GEMIN4: variants seen among roughly 807,000 people sequenced by gnomAD.
GEMIN4 encodes gem-associated protein 4.
GEMIN4 carries 59 observed loss-of-function variants against 76.8 expected under a neutral mutation model. The observed-to-expected ratio is 0.77, with a 90% CI of 0.62 to 0.95. The LOEUF (loss-of-function observed/expected upper bound fraction) is 0.95. GEMIN4 is among the 40% of genes least tolerant of loss of function. The pLI, the probability that GEMIN4 is intolerant of heterozygous loss-of-function variation, is 0.00. For missense variants in GEMIN4, 1,311 were observed against 1,318.9 expected, an observed-to-expected ratio of 0.99 and a Z score of 0.09; for synonymous variants, 562 against 559.7, an observed-to-expected ratio of 1.00 and a Z score of -0.06.
intron 1 of GEMIN4, chr17:750,088 GC>G (rs1376123512): frequency 1.5e-6 from 1 of 680,148 alleles, no homozygotes; most frequent in Admixed American, 6.3e-5. Context: ...AGGTTCAGTG[GC>G]TAGCACTTGT....
At position 748,033 on chromosome 17, in the gene GEMIN4, C is replaced by T; in HGVS notation, c.11-1G>A. On this transcript the variant is annotated splice_acceptor_variant, in intron 1 of 1. Transcript: ENST00000319004. LOFTEE classifies it high-confidence loss of function. ...ATTTCTTCACAGATGTTCAAGGGTCCTGCACACAGACAAGCCAAATAAGAC... is the reference window on the plus strand; with the variant it reads ...ATTTCTTCACAGATGTTCAAGGGTCTTGCACACAGACAAGCCAAATAAGAC... The T allele has an allele frequency of 6.3e-7, 1 of 1,594,704 alleles. No homozygotes were observed. The highest frequency in any genetic ancestry group is 8.5e-7 in the Non-Finnish European group (1 of 1,170,714).
chr17:748,036 C>A lies in GEMIN4; in HGVS notation c.11-4G>T. 6.3e-7 allele frequency: 1 copy of A among 1,590,924 alleles called. No individual in the cohort carries two copies. The highest frequency in any genetic ancestry group is 1.8e-5 in the Admixed American group (1 of 56,554). On this transcript the variant is annotated splice_polypyrimidine_tract_variant and splice_region_variant and intron_variant, in intron 1 of 1. Coordinates refer to ENST00000319004, the MANE Select transcript of GEMIN4 (RefSeq NM_015721.3). ...TCTTCACAGATGTTCAAGGGTCCTG[C>A]ACACAGACAAGCCAAATAAGACAGT...
upstream of GEMIN4, chr17:752,279 G>GGCCCC (rs1904775521): frequency 2.4e-6 from 3 of 1,225,052 alleles, no homozygotes; most frequent in South Asian, 8.4e-5. Context: ...ACCTCCGCCC[G>GGCCCC]GCCCCGCCCA....
Position 746,642 on chromosome 17 carries a change from A to G in GEMIN4, c.1401T>C (p.Ala467=), listed in dbSNP as rs749922691. ...LLETVIDVST[A]DRAIPESQIR... ...TCTGAGACTCAGGGATGGCTCTGTC[A>G]GCTGTGCTGACGTCTATCACTGTTT... is the stretch of plus-strand genomic sequence containing the variant. The change falls in exon 2 of 2, where the codon GCT becomes GCC. Residue 467 remains alanine (A), a synonymous_variant. Transcript: ENST00000319004. The surrounding 1 kb of genome is among the most constrained non-coding windows in gnomAD (Gnocchi z 4.3). 9.3e-6 allele frequency: 15 copies of G among 1,613,458 alleles called. No individual in the cohort carries two copies. The highest frequency in any genetic ancestry group is 6.7e-5 in the Admixed American group (4 of 60,002).
chr17:751,897 C>T (rs1904719404), intron 1 of GEMIN4: 1 of 381,400 alleles, frequency 2.6e-6, no homozygotes, highest in Non-Finnish European at 4.6e-6. Flanking sequence ...TTCACGTCTG[C>T]TCCGTGTTTT....
chr17:752,376 T>A (rs537987625), upstream of GEMIN4: 2 of 975,264 alleles, frequency 2.1e-6, no homozygotes, highest in Non-Finnish European at 2.6e-6. Context: ...CCACCAGCCC[T>A]CAGGTACCCG....
chr17:745,743 T>C lies in GEMIN4; in HGVS notation c.2300A>G (p.Asp767Gly). 6.2e-7 allele frequency: 1 copy of C among 1,609,236 alleles called. No individual in the cohort carries two copies. The highest frequency in any genetic ancestry group is 8.5e-7 in the Non-Finnish European group (1 of 1,177,924). Residue 767 changes from aspartate to glycine, a missense_variant, in exon 2 of 2, where the codon GAC (aspartate) becomes GGC (glycine). Asp to Gly is a moderately conservative substitution (Grantham distance 94). Coordinates refer to ENST00000319004, the MANE Select transcript of GEMIN4 (RefSeq NM_015721.3). This position sits in a 1 kb window ranked among gnomAD's most constrained non-coding sequence, Gnocchi z 4.6. ...CTTCAGCCTCAGGCCCACAGTCCAGTCTAGCTGTTCTAACTTGCGGTGGAG... is the reference window on the plus strand; with the variant it reads ...CTTCAGCCTCAGGCCCACAGTCCAGCCTAGCTGTTCTAACTTGCGGTGGAG... ...SWLHRKLEQL[D>G]WTVGLRLKSF...
chr17:752,783 A>C (rs1904827215), upstream of GEMIN4: 1 of 219,728 alleles, frequency 4.6e-6, no homozygotes, highest in Admixed American at 6.5e-5. Context: ...GACAAAACAC[A>C]AACATCGCGT....
chr17:747,308 G>A lies in GEMIN4; in HGVS notation c.735C>T (p.Asp245=). Residue 245 remains aspartate, a synonymous_variant, in exon 2 of 2, where the codon GAC becomes GAT. Transcript: ENST00000319004. The part of the protein sequence containing the change: ...RKCCALANLA[D]MLTVFALTED... ...CTGTCAGCGCAAACACAGTCAGCAT[G>A]TCAGCCAGGTTGGCCAGCGCACAGC... The A allele has an allele frequency of 6.2e-7, 1 of 1,613,800 alleles. No individual in the cohort carries two copies. Among genetic ancestry groups the A allele is most frequent in the Non-Finnish European group, 8.5e-7 (1 of 1,179,860 alleles).
rs201723734 is a variant in GEMIN4, at chr17:747,127, C to T, written c.916G>A (p.Ala306Thr). ...AERDVSLTSL[A>T]KLPSETIFVG... The stretch of plus-strand genomic sequence containing the variant: ...AAAATGGTCTCACTGGGGAGTTTGG[C>T]CAGCGAGGTCAGGCTGACATCCCGT... The change falls in exon 2 of 2, where the codon GCC becomes ACC. Residue 306 changes from alanine to threonine, a missense_variant. By Grantham distance (58) the Ala-to-Thr change is moderately conservative (BLOSUM62 0). Around this residue, in one of 2 missense-constraint regions of GEMIN4, gnomAD observed 1,208 missense variants for 1,166.9 expected, o/e 1.04. Coordinates refer to ENST00000319004, the MANE Select transcript of GEMIN4 (RefSeq NM_015721.3). The T allele has an allele frequency of 1.3e-4, 214 of 1,613,652 alleles. No individual in the cohort carries two copies. The highest frequency in any genetic ancestry group is 1.7e-4 in the Non-Finnish European group (204 of 1,179,872).
Position 747,567 on chromosome 17 carries a change from A to G in GEMIN4, c.476T>C (p.Phe159Ser), listed in dbSNP as rs1372455206. ...TVDTSAEDVA[F>S]FLDVWWEVMK... ...CACCTCCCACCAGACGTCCAGGAAGAAGGCCACGTCTTCGGCAGAAGTGTC... is the reference window on the plus strand; with the variant it reads ...CACCTCCCACCAGACGTCCAGGAAGGAGGCCACGTCTTCGGCAGAAGTGTC... The change falls in exon 2 of 2, where the codon TTC (phenylalanine) becomes TCC (serine). Residue 159 changes from phenylalanine (F) to serine (S), a missense_variant. Transcript: ENST00000319004. 6.2e-7 allele frequency: 1 copy of G among 1,613,936 alleles called. No homozygotes were observed. Among genetic ancestry groups the G allele is most frequent in the Non-Finnish European group, 8.5e-7 (1 of 1,179,884 alleles).
chr17:744,740 A>G lies in GEMIN4; in HGVS notation c.*126T>C. On this transcript the variant is annotated 3_prime_UTR_variant, in exon 2 of 2. Transcript: ENST00000319004. ...ACAGTTTCACATAACTGTAAAGTCCAGGCTGCTCGGGTCTGACCCCTACAG... is the reference window on the plus strand; with the variant it reads ...ACAGTTTCACATAACTGTAAAGTCCGGGCTGCTCGGGTCTGACCCCTACAG... 1.0e-6 allele frequency: 1 copy of G among 955,238 alleles called. No homozygotes were observed. The highest frequency in any genetic ancestry group is 1.8e-5 in the South Asian group (1 of 55,936). The allele number at this position is 955,238 out of a possible 1,614,324, so 59.2% of individuals were successfully genotyped here.
intron 1 of GEMIN4, 77 bp from the exon 2 acceptor site, chr17:748,109 G>T: frequency 1.8e-6 from 2 of 1,131,082 alleles, no homozygotes; most frequent in South Asian, 1.6e-5. Context: ...AGGCTGTCAT[G>T]GTTTGAGATG....
rs750877215 is a variant in GEMIN4, at chr17:745,525, C to T, written c.2518G>A (p.Val840Met). ...AGTCTGACCTCCTCAGGATTGCCCA[C>T]GTCCACCACCAAGAGAGACAGCATC... Reference protein sequence around the residue: ...ERMLSLLVVDVGNPEEVRLFS... With the variant: ...ERMLSLLVVDMGNPEEVRLFS... Residue 840 changes from valine (V) to methionine (M), a missense_variant, in exon 2 of 2, where the codon GTG becomes ATG. By Grantham distance (21) the Val-to-Met change is conservative. Coordinates refer to ENST00000319004, the MANE Select transcript of GEMIN4 (RefSeq NM_015721.3). This position sits in a 1 kb window ranked among gnomAD's most constrained non-coding sequence, Gnocchi z 4.6. The T allele has an allele frequency of 5.0e-6, 8 of 1,612,298 alleles. No individual in the cohort carries two copies. Among genetic ancestry groups the T allele is most frequent in the Middle Eastern group, 1.6e-4 (1 of 6,062 alleles).
At position 752,128 on chromosome 17, in the gene GEMIN4, C is replaced by T. The variant is rs1307439540; in HGVS notation, c.10+5G>A. The T allele has an allele frequency of 1.0e-5, 13 of 1,239,134 alleles. No individual in the cohort carries two copies. Among genetic ancestry groups the T allele is most frequent in the Non-Finnish European group, 1.3e-5 (13 of 991,172 alleles). The allele number at this position is 1,239,134 out of a possible 1,614,324, so 76.8% of individuals were successfully genotyped here. A position where few individuals can be genotyped will look rare whatever the true frequency, so the allele number is the denominator to read the frequency against. On this transcript the variant is annotated splice_donor_5th_base_variant and intron_variant, in intron 1 of 1. Transcript: ENST00000319004. ...AGCCCGGGGCCGGGGAGCCGCGGCACCCACCTAGGTCCATGGCGGCGACGC... is the reference window on the plus strand; with the variant it reads ...AGCCCGGGGCCGGGGAGCCGCGGCATCCACCTAGGTCCATGGCGGCGACGC...
chr17:752,019 G>A (rs1357650360), intron 1 of GEMIN4, 114 bp downstream of exon 1: 1 of 757,108 alleles, frequency 1.3e-6, no homozygotes, highest in Admixed American at 4.4e-5. Context: ...CGCGGGGGAC[G>A]TTTCGGTCCG....
rs1285384016 is a variant in GEMIN4 at position 746,334 on chromosome 17, A to C, written c.1709T>G (p.Val570Gly). Residue 570 changes from valine to glycine, a missense_variant, in exon 2 of 2, where the codon GTC becomes GGC. Physicochemically the swap from Val to Gly is moderately radical, Grantham distance 109. Around this residue, in one of 2 missense-constraint regions of GEMIN4, gnomAD observed 1,208 missense variants for 1,166.9 expected, o/e 1.04. Coordinates refer to ENST00000319004, the MANE Select transcript of GEMIN4 (RefSeq NM_015721.3). This position sits in a 1 kb window ranked among gnomAD's most constrained non-coding sequence, Gnocchi z 4.3. ...CAGGAACTTGTGGGTGCCGAGATTG[A>C]CCACAGCCAGGCTGCACATTTTCTT... ...TVKKMCSLAVVNLGTHKFLAQ... is the reference protein window; with the variant it reads ...TVKKMCSLAVGNLGTHKFLAQ... The C allele has an allele frequency of 6.2e-7, 1 of 1,613,748 alleles. No individual in the cohort carries two copies. Among genetic ancestry groups the C allele is most frequent in the Non-Finnish European group, 8.5e-7 (1 of 1,179,878 alleles).
upstream of GEMIN4, chr17:752,815 T>G (rs1904830100): frequency 6.0e-6 from 1 of 165,920 alleles, no homozygotes; most frequent in African/African-American, 2.4e-5. Context: ...CCCCCTGAGA[T>G]CGAGTAGTAA....
Position 747,267 on chromosome 17 carries a change from T to C in GEMIN4, c.776A>G (p.Glu259Gly). 6.2e-7 allele frequency: 1 copy of C among 1,613,734 alleles called. No homozygotes were observed. Among genetic ancestry groups the C allele is most frequent in the East Asian group, 2.2e-5 (1 of 44,880 alleles). The part of the protein sequence containing the change: ...VFALTEDDPQ[E>G]VSATVYLDKL... ...GTCCAGATACACGGTTGCAGACACCTCCTGGGGGTCGTCCTCTGTCAGCGC... is the reference window on the plus strand; with the variant it reads ...GTCCAGATACACGGTTGCAGACACCCCCTGGGGGTCGTCCTCTGTCAGCGC... The change falls in exon 2 of 2, where the codon GAG (glutamate) becomes GGG (glycine). Residue 259 changes from glutamate to glycine, a missense_variant. Glu to Gly is a moderately conservative substitution (Grantham distance 98, BLOSUM62 -2). Coordinates refer to ENST00000319004, the MANE Select transcript of GEMIN4 (RefSeq NM_015721.3).
Sources: gnomAD v4.1 joint callset for allele counts on GRCh38, gnomAD v4.1.1 for gene constraint, gnomAD v4.1.1 regional missense constraint, Gnocchi (gnomAD v3.1) non-coding constraint, MANE v1.5 for transcripts, NCBI Gene and HGNC (gene_info 2026-07-23, HGNC 2026-07-21) for gene names.